PWWP2B: variants seen among roughly 807,000 people sequenced by gnomAD.
The protein encoded by PWWP2B is PWWP domain-containing protein 2B.
A neutral mutation model predicts 15.5 loss-of-function variants in PWWP2B; 9 were observed. The ratio of observed to expected loss-of-function variants is 0.58; its 90% confidence interval spans 0.35 to 1.02. PWWP2B has a LOEUF of 1.02. Ranked by LOEUF, PWWP2B falls within the 50% of genes least tolerant of loss-of-function variation. The probability of loss-of-function intolerance (pLI) is 0.02; values close to 1 mark genes in which losing one functional copy is unlikely to be tolerated. For synonymous variants in PWWP2B, 474 were observed against 403.6 expected (o/e 1.17, Z -2.09); for missense variants, 864 against 865.3 (o/e 1.00, Z 0.02).
chr10:132,416,963 C>T, intron 2 of PWWP2B, 98 bp from the exon 3 acceptor site: 1 of 1,365,650 alleles, frequency 7.3e-7, no homozygotes. Flanking sequence ...AGCCTCAGGC[C>T]CTCCGGGGCA....
chr10:132,412,581 C>T (rs1318882506), intron 2 of PWWP2B, among the ~76,000 whole-genome samples: 1 of 152,224 alleles, frequency 6.6e-6, no homozygotes, highest in East Asian at 1.9e-4. Context: ...TCAAGTTCAC[C>T]CAGGTTTTCA....
intron 1 of PWWP2B, among the ~76,000 whole-genome samples, chr10:132,398,817 G>A (rs1385444000): frequency 2.0e-5 from 3 of 152,226 alleles, no homozygotes; most frequent in Non-Finnish European, 2.9e-5. Context: ...CCACGGAGCC[G>A]GGCGCTGGGC....
chr10:132,410,317 C>T (rs1324404250), intron 2 of PWWP2B, among the ~76,000 whole-genome samples: 2 of 138,024 alleles, frequency 1.4e-5, no homozygotes, highest in Non-Finnish European at 3.2e-5. Context: ...GGGCTGGGGG[C>T]AAGGATCCGT....
intron 1 of PWWP2B, among the ~76,000 whole-genome samples, chr10:132,402,855 G>C (rs980965713): frequency 6.6e-6 from 1 of 152,240 alleles, no homozygotes; most frequent in Non-Finnish European, 1.5e-5. Context: ...GAACCTGGGG[G>C]CTGTGCTGTG....
chr10:132,410,507 G>C (rs1321533896), intron 2 of PWWP2B, among the ~76,000 whole-genome samples: 3 of 152,208 alleles, frequency 2.0e-5, no homozygotes, highest in Non-Finnish European at 4.4e-5. Flanking sequence ...CCAGCCGTGT[G>C]GGGAGGACCT....
intron 2 of PWWP2B, among the ~76,000 whole-genome samples, 200 bp downstream of exon 2, chr10:132,406,489 C>T (rs967771015): frequency 3.9e-5 from 6 of 152,376 alleles, no homozygotes; most frequent in African/African-American, 7.2e-5. Flanking sequence ...ACACAAGAGG[C>T]GCACTGCAAG....
intron 1 of PWWP2B, among the ~76,000 whole-genome samples, chr10:132,397,744 C>T (rs2069557253): frequency 6.6e-6 from 1 of 152,234 alleles, no homozygotes; most frequent in East Asian, 1.9e-4. Flanking sequence ...CCTGGCAGTT[C>T]CTCACAGGTG....
At chr10:132,408,532 C>T (rs2069733149) in intron 2 of PWWP2B, among the ~76,000 whole-genome samples, 1 of 152,284 alleles carries the variant, frequency 6.6e-6, no homozygotes, top group East Asian at 1.9e-4. Flanking sequence ...GGCTGGAGCT[C>T]GGGCAGGGAG....
chr10:132,411,898 C>G (rs2069786998), intron 2 of PWWP2B, among the ~76,000 whole-genome samples: 1 of 152,274 alleles, frequency 6.6e-6, no homozygotes, highest in East Asian at 1.9e-4. Context: ...TCTTCTGCTT[C>G]TGAGGACGGG....
chr10:132,397,371 G>A lies in PWWP2B; in HGVS notation c.125+20G>A, dbSNP rs1173021862. On this transcript the variant is annotated intron_variant, in intron 1 of 2. Coordinates refer to ENST00000305233, the MANE Select transcript of PWWP2B (RefSeq NM_138499.4). The stretch of plus-strand genomic sequence containing the variant: ...GAAAAAGTGAGCGGGGGCGCGGGCC[G>A]GGACACCCCCGGGGTCCCCACGCGA... 2.4e-6 allele frequency: 3 copies of A among 1,271,756 alleles called. No individual in the cohort carries two copies. The highest frequency in any genetic ancestry group is 2.0e-6 in the Non-Finnish European group (2 of 998,074). 78.8% of individuals were successfully genotyped at this position (1,271,756 alleles called of 1,614,324 possible).
At chr10:132,408,197 T>C (rs896131321) in intron 2 of PWWP2B, among the ~76,000 whole-genome samples, 1 of 152,246 alleles carries the variant, frequency 6.6e-6, no homozygotes, top group Middle Eastern at 3.4e-3. Context: ...CGCAGAGTGG[T>C]GTGTGCCTGG....
chr10:132,415,538 C>T lies in PWWP2B; in HGVS notation c.*17-1523C>T, dbSNP rs373716854. Among the ~76,000 whole-genome samples, 10 of 150,108 alleles carry T rather than the reference C, an allele frequency of 6.7e-5. 1 individual carries two copies. Among genetic ancestry groups the T allele is most frequent in the African/African-American group, 2.5e-4 (10 of 40,398 alleles). The stretch of plus-strand genomic sequence containing the variant: ...CCAGACATCCACTGTCACACACACG[C>T]ACTCTCACACACATTCACACAAACA... On this transcript the variant is annotated intron_variant, in intron 2 of 2. Transcript: ENST00000305233.
At chr10:132,400,550 G>A (rs1246141795) in intron 1 of PWWP2B, among the ~76,000 whole-genome samples, 1 of 152,166 alleles carries the variant, frequency 6.6e-6, no homozygotes, top group African/African-American at 2.4e-5. Flanking sequence ...TCTAGCCTGT[G>A]GCTTCTCCTG....
At position 132,405,753 on chromosome 10, in the gene PWWP2B, C is replaced by T; in HGVS notation, c.1253C>T (p.Ala418Val). ...TGCCCTGAGGGGAGAGCGGACTGTG[C>T]CAGTGAGTCGGCGTGCAGCAGCGAC... ...VSCPEGRADCASESACSSDSL... is the reference protein window; with the variant it reads ...VSCPEGRADCVSESACSSDSL... Residue 418 changes from alanine (A) to valine (V), a missense_variant, in exon 2 of 3, where the codon GCC becomes GTC. Ala to Val is a moderately conservative substitution (Grantham distance 64, BLOSUM62 0). Around this residue, in one of 2 missense-constraint regions of PWWP2B, gnomAD observed 736 missense variants for 687.7 expected, o/e 1.07. Coordinates refer to ENST00000305233, the MANE Select transcript of PWWP2B (RefSeq NM_138499.4). 1 of 1,608,046 alleles carries T rather than the reference C, an allele frequency of 6.2e-7. No individual in the cohort carries two copies.
At chr10:132,402,775 C>T (rs2069629844) in intron 1 of PWWP2B, among the ~76,000 whole-genome samples, 1 of 152,234 alleles carries the variant, frequency 6.6e-6, no homozygotes, top group Non-Finnish European at 1.5e-5. Flanking sequence ...TCTGGCAAAC[C>T]TTTTCTGTAA....
intron 1 of PWWP2B, among the ~76,000 whole-genome samples, chr10:132,401,866 G>A (rs2069620521): frequency 6.6e-6 from 1 of 152,260 alleles, no homozygotes. Flanking sequence ...TCTGCTGTTG[G>A]CTTTGCAAGA....
At chr10:132,398,339 G>A (rs2133142628) in intron 1 of PWWP2B, among the ~76,000 whole-genome samples, 1 of 152,368 alleles carries the variant, frequency 6.6e-6, no homozygotes, top group Admixed American at 6.5e-5. Context: ...TATGGCTCCC[G>A]TGTGGTTCCT....
At position 132,413,620 on chromosome 10, in the gene PWWP2B, C is replaced by T. The variant is rs146941998; in HGVS notation, c.*17-3441C>T. ...ACCTCCGCAGCCCTGGGTCCACTCC[C>T]GTCCTGGTCTCCCCGGCCTTCCTGT... On this transcript the variant is annotated intron_variant, in intron 2 of 2. Coordinates refer to ENST00000305233, the MANE Select transcript of PWWP2B (RefSeq NM_138499.4). 7.4e-4 allele frequency among the ~76,000 whole-genome samples: 112 copies of T among 152,376 alleles called. 2 individuals are homozygous for T. The East Asian group carries it at 0.02, about 27-fold the overall frequency.
At position 132,405,832 on chromosome 10, in the gene PWWP2B, T is replaced by C. The variant is rs1257819889; in HGVS notation, c.1332T>C (p.Gly444=). ...CGGAAGGGACGCCGGCAGACACGGGTGACCTCTCGCCTGGCCACGGCGCGT... is the reference window on the plus strand; with the variant it reads ...CGGAAGGGACGCCGGCAGACACGGGCGACCTCTCGCCTGGCCACGGCGCGT... The part of the protein sequence containing the change: ...SGSEGTPADT[G]DLSPGHGASA... The change falls in exon 2 of 3, where the codon GGT becomes GGC. Residue 444 remains glycine, a synonymous_variant. Transcript: ENST00000305233. 5 of 1,609,786 alleles carry C rather than the reference T, an allele frequency of 3.1e-6. No homozygotes were observed. The South Asian group carries it at 4.4e-5, about 14-fold the overall frequency.
Sources: allele counts gnomAD v4.1 joint callset (sites outside exome capture counted in the v4.1 genomes callset), GRCh38; gene constraint gnomAD v4.1.1; regional missense constraint gnomAD v4.1.1; transcripts MANE v1.5; gene names NCBI Gene and HGNC (gene_info 2026-07-23, HGNC 2026-07-21).